The following BANK1 variants were observed in gnomAD, a reference collection of about 807,000 sequenced individuals.
BANK1 encodes the protein B-cell scaffold protein with ankyrin repeats.
BANK1 carries 95 observed loss-of-function variants against 94.5 expected under a neutral mutation model. The ratio of observed to expected loss-of-function variants is 1.00; its 90% confidence interval spans 0.85 to 1.19. The LOEUF (loss-of-function observed/expected upper bound fraction) is 1.19, where lower values mean the gene tolerates loss of function less well. Among genes scored for constraint, BANK1 ranks in the 50% most tolerant of loss-of-function variants. The pLI is 0.00. For missense variants in BANK1, 987 were observed against 932.2 expected, an observed-to-expected ratio of 1.06 and a Z score of -0.77; for synonymous variants, 334 against 308.4, an observed-to-expected ratio of 1.08 and a Z score of -0.87.
At chr4:101,825,875 A>G (rs1221738895) in intron 1 of BANK1, among the ~76,000 whole-genome samples, 6 of 152,198 alleles carry the variant, frequency 3.9e-5, no homozygotes, top group Non-Finnish European at 7.4e-5. Context: ...AAATGCATCT[A>G]GAGTATTGAG....
chr4:101,845,952 T>C (rs915479864), intron 2 of BANK1, among the ~76,000 whole-genome samples: 4 of 152,206 alleles, frequency 2.6e-5, no homozygotes, highest in African/African-American at 9.7e-5. Context: ...GCCATGTTGG[T>C]GTGCTGCACC....
In BANK1 at chr4:102,013,069, T is replaced by C. The variant is rs995042500; in HGVS notation, c.1207-8445T>C. ...CCTCTATAGACTTTTATTAACATGA[T>C]TTTGAAACTAAAACTGATTTCAAGA... is the stretch of plus-strand genomic sequence containing the variant. On this transcript the variant is annotated intron_variant, in intron 7 of 16. Transcript: ENST00000322953. 3.3e-5 allele frequency among the ~76,000 whole-genome samples: 5 copies of C among 152,156 alleles called. No individual in the cohort carries two copies. In the East Asian group the frequency reaches 9.6e-4, roughly 29 times the overall value.
chr4:102,005,699 A>G (rs1447281121), intron 7 of BANK1, among the ~76,000 whole-genome samples: 1 of 152,074 alleles, frequency 6.6e-6, no homozygotes, highest in Non-Finnish European at 1.5e-5. Context: ...TGAGCAAGGA[A>G]TATATTAAGT....
intron 2 of BANK1, among the ~76,000 whole-genome samples, chr4:101,833,558 C>A (rs561587359): frequency 6.6e-6 from 1 of 152,274 alleles, no homozygotes; most frequent in South Asian, 2.1e-4. Flanking sequence ...ACAAGGTACC[C>A]TTAGCCTTAT....
intron 5 of BANK1, among the ~76,000 whole-genome samples, chr4:101,894,738 G>A (rs1722003887): frequency 6.6e-6 from 1 of 151,856 alleles, no homozygotes; most frequent in African/African-American, 2.4e-5. Context: ...CTTGAATACT[G>A]GATGGCTCCT....
In BANK1 at chr4:102,012,906, T is replaced by C. The variant is rs190354072; in HGVS notation, c.1207-8608T>C. 7.2e-5 allele frequency among the ~76,000 whole-genome samples: 11 copies of C among 152,270 alleles called. No homozygotes were observed. In the East Asian group the frequency reaches 2.1e-3, roughly 29 times the overall value. ...GTTCACTAACTTCAATCTGCCAACC[T>C]GGAAACATGTAAATTCATTCATTAT... On this transcript the variant is annotated intron_variant, in intron 7 of 16. Coordinates refer to ENST00000322953, the MANE Select transcript of BANK1 (RefSeq NM_017935.5).
chr4:101,802,316 A>G (rs1725380006), intron 1 of BANK1, among the ~76,000 whole-genome samples: 2 of 152,250 alleles, frequency 1.3e-5, no homozygotes, highest in Admixed American at 6.5e-5. Flanking sequence ...TAGTGACATA[A>G]TCAGAATTGC....
chr4:101,904,722 A>G (rs575774661), intron 6 of BANK1, among the ~76,000 whole-genome samples: 6 of 152,188 alleles, frequency 3.9e-5, no homozygotes, highest in African/African-American at 1.2e-4. Flanking sequence ...CCATAAATTT[A>G]TAGGTACAGA....
At chr4:102,069,017 T>C (rs1728677470) in intron 13 of BANK1, among the ~76,000 whole-genome samples, 1 of 152,186 alleles carries the variant, frequency 6.6e-6, no homozygotes, top group African/African-American at 2.4e-5. Context: ...GTTAATATTT[T>C]ACTTATTCAG....
At chr4:101,875,752 T>G (rs1001339040) in intron 5 of BANK1, among the ~76,000 whole-genome samples, 5 of 152,182 alleles carry the variant, frequency 3.3e-5, no homozygotes, top group African/African-American at 9.7e-5. Flanking sequence ...CACTCTGAAG[T>G]TGAGTTCCTG....
chr4:102,023,030 TA>T (rs1362776775), intron 8 of BANK1, among the ~76,000 whole-genome samples: 1 of 152,236 alleles, frequency 6.6e-6, no homozygotes, highest in Non-Finnish European at 1.5e-5. Context: ...TAATATGATA[TA>T]TTATTTATCT....
In BANK1 at chr4:102,025,291, G is replaced by T; in HGVS notation, c.1376G>T (p.Gly459Val). 6.2e-7 allele frequency: 1 copy of T among 1,614,052 alleles called. No individual in the cohort carries two copies. Among genetic ancestry groups the T allele is most frequent in the South Asian group, 1.1e-5 (1 of 91,078 alleles). The change falls in exon 9 of 17, where the codon GGA (glycine) becomes GTA (valine). Residue 459 changes from glycine (G) to valine (V), a missense_variant. Transcript: ENST00000322953. ...GAEANEMEGE[G>V]KQNGSGMETK... ...GAGGCAAATGAAATGGAAGGGGAAG[G>T]AAAACAGAATGGATCAGGCATGGAG...
intron 3 of BANK1, 121 bp downstream of exon 3, chr4:101,855,310 C>T: frequency 4.6e-6 from 4 of 878,376 alleles, no homozygotes; most frequent in Non-Finnish European, 3.3e-6. Flanking sequence ...AACTCCTGGC[C>T]TCAAGAGATC....
chr4:101,968,198 A>G (rs1724828132), intron 7 of BANK1, among the ~76,000 whole-genome samples: 1 of 152,086 alleles, frequency 6.6e-6, no homozygotes, highest in Non-Finnish European at 1.5e-5. Flanking sequence ...TATTTACTGT[A>G]ATTTAGATTG....
chr4:101,917,256 C>T (rs1722857201), intron 6 of BANK1, among the ~76,000 whole-genome samples: 1 of 151,878 alleles, frequency 6.6e-6, no homozygotes, highest in Non-Finnish European at 1.5e-5. Flanking sequence ...TTTTTCTCAG[C>T]TAAGTGCAAA....
intron 5 of BANK1, among the ~76,000 whole-genome samples, chr4:101,874,179 A>G (rs995876421): frequency 1.3e-5 from 2 of 152,122 alleles, no homozygotes; most frequent in South Asian, 2.1e-4. Context: ...TTTTTATTCA[A>G]TTGCATGTAT....
intron 1 of BANK1, among the ~76,000 whole-genome samples, chr4:101,810,941 T>C (rs80060574): frequency 0.047 from 7,219 of 152,246 alleles, 471 homozygotes; most frequent in African/African-American, 0.15. Context: ...GTATCAATGA[T>C]TGCTGGTCAC....
intron 9 of BANK1, among the ~76,000 whole-genome samples, chr4:102,029,716 T>G (rs1441505036): frequency 6.6e-6 from 1 of 151,950 alleles, no homozygotes; most frequent in Non-Finnish European, 1.5e-5. Flanking sequence ...CTACACGTAT[T>G]TGTCTTAATA....
intron 10 of BANK1, among the ~76,000 whole-genome samples, chr4:102,035,758 A>G (rs1370430125): frequency 6.6e-6 from 1 of 152,138 alleles, no homozygotes; most frequent in Non-Finnish European, 1.5e-5. Context: ...GTTAACAATC[A>G]CAAGAATAAC....
Sources: gnomAD v4.1 joint callset for allele counts (sites outside exome capture counted in the v4.1 genomes callset) on GRCh38, gnomAD v4.1.1 for gene constraint, MANE v1.5 for transcripts, NCBI Gene and HGNC (gene_info 2026-07-23, HGNC 2026-07-21) for gene names.